Variants in CSMD1 observed in about 807,000 individuals in gnomAD.
CSMD1 encodes the protein CUB and Sushi multiple domains 1.
Under a neutral mutation model 417.5 loss-of-function variants are expected in CSMD1, and 213 were observed. That is an observed-to-expected ratio of 0.51 (90% confidence interval 0.46 to 0.57). The LOEUF is 0.57. Among genes scored for constraint, CSMD1 ranks in the 20% least tolerant of loss-of-function variants. The probability of loss-of-function intolerance (pLI) is 0.00; values close to 1 mark genes in which losing one functional copy is unlikely to be tolerated. For missense variants in CSMD1, 6,923 were observed against 4,529.7 expected (o/e 1.53, Z -15.17); for synonymous variants, 2,862 against 1,736.8 (o/e 1.65, Z -16.11).
chr8:4,912,408 T>C (rs1276914990), intron 1 of CSMD1, among the ~76,000 whole-genome samples: 1 of 151,836 alleles, frequency 6.6e-6, no homozygotes, highest in Non-Finnish European at 1.5e-5. Flanking sequence ...TGGGGTTGTC[T>C]AGATCAATGC....
intron 1 of CSMD1, among the ~76,000 whole-genome samples, chr8:4,914,335 G>T (rs10094626): frequency 7.9e-5 from 12 of 152,018 alleles, no homozygotes; most frequent in African/African-American, 2.9e-4. Context: ...CCAACACTTT[G>T]GGAGACTGAG....
At chr8:3,452,822 T>C (rs367657886) in intron 12 of CSMD1, among the ~76,000 whole-genome samples, 12 of 152,170 alleles carry the variant, frequency 7.9e-5, no homozygotes, top group African/African-American at 1.9e-4. Context: ...CAGGATGATG[T>C]TGGCCTCATA....
chr8:3,419,644 G>A (rs1165274266), intron 12 of CSMD1, among the ~76,000 whole-genome samples: 1 of 151,762 alleles, frequency 6.6e-6, no homozygotes, highest in Non-Finnish European at 1.5e-5. Flanking sequence ...GGATTGAGAA[G>A]CAAATAAATA....
intron 7 of CSMD1, among the ~76,000 whole-genome samples, chr8:3,688,792 T>A (rs1190787351): frequency 1.3e-5 from 2 of 152,122 alleles, no homozygotes; most frequent in African/African-American, 2.4e-5. Context: ...TAGAGTATAC[T>A]GTAATACTAT....
At chr8:4,346,004 T>C (rs1045036302) in intron 3 of CSMD1, among the ~76,000 whole-genome samples, 1 of 152,166 alleles carries the variant, frequency 6.6e-6, no homozygotes, top group African/African-American at 2.4e-5. Context: ...TTCACATTAG[T>C]ATAAAATAAC....
At chr8:3,824,673 G>C (rs554537120) in intron 5 of CSMD1, among the ~76,000 whole-genome samples, 18 of 152,238 alleles carry the variant, frequency 1.2e-4, no homozygotes, top group African/African-American at 4.3e-4. Context: ...TTGAGTTAAT[G>C]ATGTATATTA....
At chr8:4,772,140 T>G (rs1796631907) in intron 1 of CSMD1, among the ~76,000 whole-genome samples, 1 of 151,566 alleles carries the variant, frequency 6.6e-6, no homozygotes, top group Non-Finnish European at 1.5e-5. Context: ...AGAGCAGAAG[T>G]CAGTTCCTTG....
chr8:3,016,834 C>A (rs938490515), intron 52 of CSMD1, among the ~76,000 whole-genome samples: 2 of 152,082 alleles, frequency 1.3e-5, no homozygotes, highest in Non-Finnish European at 2.9e-5. Context: ...TATTGCATAG[C>A]ACTGAGACAT....
chr8:3,357,923 T>C (rs1315355271), intron 21 of CSMD1, among the ~76,000 whole-genome samples: 1 of 152,056 alleles, frequency 6.6e-6, no homozygotes, highest in Non-Finnish European at 1.5e-5. Context: ...TTGATTCATG[T>C]TTATTTGTTT....
chr8:3,281,701 CA>C (rs1796084785), intron 26 of CSMD1, among the ~76,000 whole-genome samples: 7 of 152,132 alleles, frequency 4.6e-5, no homozygotes, highest in Non-Finnish European at 8.8e-5. Context: ...AGGCAGAACA[CA>C]GGGAATTGTT....
intron 2 of CSMD1, among the ~76,000 whole-genome samples, chr8:4,616,595 A>G (rs1398335204): frequency 6.6e-6 from 1 of 152,348 alleles, no homozygotes; most frequent in South Asian, 2.1e-4. Context: ...ACAAAACACT[A>G]TAGAATAAGA....
chr8:3,447,687 C>G (rs1815386585), intron 12 of CSMD1, among the ~76,000 whole-genome samples: 1 of 152,160 alleles, frequency 6.6e-6, no homozygotes, highest in Non-Finnish European at 1.5e-5. Flanking sequence ...GGGCTCTGCT[C>G]CCACTTCCTG....
chr8:3,865,647 G>A (rs1317779717), intron 5 of CSMD1, among the ~76,000 whole-genome samples: 1 of 152,272 alleles, frequency 6.6e-6, no homozygotes, highest in East Asian at 1.9e-4. Context: ...CATCATCGAT[G>A]AAATTCCATC....
chr8:3,818,364 G>T (rs909151216), intron 5 of CSMD1, among the ~76,000 whole-genome samples: 1 of 152,132 alleles, frequency 6.6e-6, no homozygotes, highest in Non-Finnish European at 1.5e-5. Context: ...CCTTCCTAAG[G>T]TCTCCAAATG....
At chr8:4,670,592 G>C (rs1330191889) in intron 1 of CSMD1, among the ~76,000 whole-genome samples, 2 of 152,100 alleles carry the variant, frequency 1.3e-5, no homozygotes, top group Admixed American at 6.6e-5. Flanking sequence ...CTTTGCTATA[G>C]GCAGTTCTGT....
At chr8:4,041,163 C>G (rs1434633679) in intron 3 of CSMD1, among the ~76,000 whole-genome samples, 1 of 151,762 alleles carries the variant, frequency 6.6e-6, no homozygotes, top group Non-Finnish European at 1.5e-5. Flanking sequence ...ACTACAGGCG[C>G]CCGCCACCAC....
intron 5 of CSMD1, among the ~76,000 whole-genome samples, chr8:3,848,257 G>C (rs1343302607): frequency 2.0e-5 from 3 of 152,112 alleles, no homozygotes; most frequent in Non-Finnish European, 4.4e-5. Context: ...TCCTCAGCTG[G>C]ACCCAAGTGT....
At chr8:4,714,217 T>C (rs1406551119) in intron 1 of CSMD1, among the ~76,000 whole-genome samples, 1 of 152,138 alleles carries the variant, frequency 6.6e-6, no homozygotes, top group Non-Finnish European at 1.5e-5. Context: ...TGTTGACGCC[T>C]CCTCTGTCAT....
intron 53 of CSMD1, among the ~76,000 whole-genome samples, chr8:2,999,555 T>G (rs181091686): frequency 3.9e-5 from 6 of 152,088 alleles, no homozygotes; most frequent in Admixed American, 3.9e-4. Context: ...AGGCAGGGAG[T>G]GCCGCTGTTT....
Sources: gnomAD v4.1 joint callset for allele counts (sites outside exome capture counted in the v4.1 genomes callset) on GRCh38, gnomAD v4.1.1 for gene constraint, MANE v1.5 for transcripts, NCBI Gene and HGNC (gene_info 2026-07-23, HGNC 2026-07-21) for gene names.